The following NALCN variants were observed in gnomAD, a reference collection of about 807,000 sequenced individuals.
NALCN encodes sodium leak channel NALCN.
NALCN carries 111 observed loss-of-function variants against 225.3 expected under a neutral mutation model. That is an observed-to-expected ratio of 0.49 (90% CI 0.42 to 0.58). The LOEUF (loss-of-function observed/expected upper bound fraction) is 0.58. NALCN is among the 20% of genes least tolerant of loss of function. The probability of loss-of-function intolerance (pLI) is 0.00; values close to 1 mark genes in which losing one functional copy is unlikely to be tolerated. For missense variants in NALCN, 1,378 were observed against 2,202.4 expected, an observed-to-expected ratio of 0.63 and a Z score of 7.49; for synonymous variants, 764 against 769.0, an observed-to-expected ratio of 0.99 and a Z score of 0.11.
intron 30 of NALCN, 150 bp from the exon 31 acceptor site, chr13:101,083,954 GAA>G: frequency 1.5e-6 from 1 of 657,684 alleles, no homozygotes; most frequent in Non-Finnish European, 2.4e-6. Context: ...AACATGGTCA[GAA>G]TGCTCAAAGT....
At chr13:101,075,348 G>A (rs568795979) in intron 35 of NALCN, among the ~76,000 whole-genome samples, 2 of 150,748 alleles carry the variant, frequency 1.3e-5, no homozygotes, top group African/African-American at 2.4e-5. Flanking sequence ...TCAGCTACTC[G>A]GGAGGCTGAG....
intron 3 of NALCN, among the ~76,000 whole-genome samples, chr13:101,393,888 A>G (rs1250498130): frequency 2.0e-5 from 3 of 152,236 alleles, no homozygotes; most frequent in Non-Finnish European, 4.4e-5. Context: ...CATAAAAAAA[A>G]TTTGTGACAA....
At chr13:101,388,298 T>C (rs2047049275) in intron 3 of NALCN, among the ~76,000 whole-genome samples, 1 of 152,198 alleles carries the variant, frequency 6.6e-6, no homozygotes. Flanking sequence ...TACTTCAAGA[T>C]AATGTTAACA....
At chr13:101,056,408 ACAC>A (rs1039691232) in intron 43 of NALCN, among the ~76,000 whole-genome samples, 24 of 151,644 alleles carry the variant, frequency 1.6e-4, no homozygotes, top group African/African-American at 5.8e-4. Context: ...TTACAGGTGC[ACAC>A]CACTACCGGT....
At chr13:101,065,860 C>T (rs1021406850) in intron 39 of NALCN, among the ~76,000 whole-genome samples, 2 of 152,098 alleles carry the variant, frequency 1.3e-5, no homozygotes, top group Admixed American at 6.5e-5. Context: ...CCTACTCTTG[C>T]TCTCACCAGG....
At chr13:101,411,957 T>A (rs960571681) in intron 1 of NALCN, among the ~76,000 whole-genome samples, 1 of 152,200 alleles carries the variant, frequency 6.6e-6, no homozygotes, top group Non-Finnish European at 1.5e-5. Context: ...TTATTTTATG[T>A]TTGCTGATAA....
chr13:101,225,385 C>T (rs912505377), intron 13 of NALCN, among the ~76,000 whole-genome samples: 2 of 152,204 alleles, frequency 1.3e-5, no homozygotes, highest in African/African-American at 4.8e-5. Flanking sequence ...TCAATCTTCA[C>T]CTGTTCCATT....
chr13:101,116,771 T>A (rs655966), intron 18 of NALCN: 197,940 of 364,442 alleles, frequency 0.54, 59,199 homozygotes, highest in East Asian at 0.93. Flanking sequence ...CACAAGTAAT[T>A]CATTTAAAAG....
chr13:101,173,732 C>A (rs1382978577), intron 15 of NALCN, among the ~76,000 whole-genome samples: 2 of 152,108 alleles, frequency 1.3e-5, no homozygotes, highest in Non-Finnish European at 2.9e-5. Context: ...TTTTTTTGAA[C>A]ATTTCCTCCA....
chr13:101,178,953 C>T (rs773922230), intron 14 of NALCN, among the ~76,000 whole-genome samples: 1 of 152,130 alleles, frequency 6.6e-6, no homozygotes, highest in Non-Finnish European at 1.5e-5. Context: ...GGAGAGGTTT[C>T]GTGGGTTGGC....
chr13:101,292,125 A>C lies in NALCN; in HGVS notation c.943-31T>G, dbSNP rs757127337. 14 of 1,613,142 alleles carry C rather than the reference A, an allele frequency of 8.7e-6. 1 individual carries two copies. The highest frequency in any genetic ancestry group is 5.0e-5 in the Admixed American group (3 of 59,880). On this transcript the variant is annotated intron_variant, in intron 8 of 43. Transcript: ENST00000251127. This position sits in a 1 kb window ranked among gnomAD's most constrained non-coding sequence, Gnocchi z 4.3. ...AAAAATCACAAACCACATTTACCAAAGTCTAAGAATGACAAAGCAGAGGGC... is the reference window on the plus strand; with the variant it reads ...AAAAATCACAAACCACATTTACCAACGTCTAAGAATGACAAAGCAGAGGGC...
chr13:101,338,796 G>A lies in NALCN; in HGVS notation c.799+6470C>T, dbSNP rs116111085. Among the ~76,000 whole-genome samples, 93 of 152,280 alleles carry A rather than the reference G, an allele frequency of 6.1e-4. 1 individual carries two copies. The highest frequency in any genetic ancestry group is 2.1e-3 in the African/African-American group (86 of 41,552). On this transcript the variant is annotated intron_variant, in intron 7 of 43. Coordinates refer to ENST00000251127, the MANE Select transcript of NALCN (RefSeq NM_052867.4). ...AAACTAAGCTTTGCAAATTGTTTTTGAATTTTCTTCTTAAACACTATTTTG... is the reference window on the plus strand; with the variant it reads ...AAACTAAGCTTTGCAAATTGTTTTTAAATTTTCTTCTTAAACACTATTTTG...
At chr13:101,265,402 A>T (rs1490333503) in intron 10 of NALCN, among the ~76,000 whole-genome samples, 1 of 152,176 alleles carries the variant, frequency 6.6e-6, no homozygotes, top group Non-Finnish European at 1.5e-5. Context: ...GTAATGAGAC[A>T]ATGAGTCTGG....
chr13:101,346,087 C>CTATATATATATATATATATA (rs71121188), intron 6 of NALCN, among the ~76,000 whole-genome samples: 8 of 70,962 alleles, frequency 1.1e-4, no homozygotes, highest in Admixed American at 2.0e-4. Flanking sequence ...CTCTCTCTCT[C>CTATATATATATATATATATA]TATATATATA....
At chr13:101,401,879 T>C (rs1373187363) in intron 1 of NALCN, among the ~76,000 whole-genome samples, 1 of 152,230 alleles carries the variant, frequency 6.6e-6, no homozygotes, top group East Asian at 1.9e-4. Context: ...TTAAATATTA[T>C]ATAAAGCATT....
chr13:101,191,407 T>C (rs564752259), intron 14 of NALCN, among the ~76,000 whole-genome samples: 1 of 152,330 alleles, frequency 6.6e-6, no homozygotes, highest in East Asian at 1.9e-4. Flanking sequence ...CTTGCAGCAA[T>C]GTGTTTTATT....
At chr13:101,184,631 A>G (rs916570284) in intron 14 of NALCN, among the ~76,000 whole-genome samples, 1 of 152,220 alleles carries the variant, frequency 6.6e-6, no homozygotes, top group African/African-American at 2.4e-5. Flanking sequence ...GTTGTGATGC[A>G]GATCATTTTG....
At chr13:101,376,581 A>G in intron 6 of NALCN, 119 bp downstream of exon 6, 1 of 927,736 alleles carries the variant, frequency 1.1e-6, no homozygotes, top group Non-Finnish European at 1.6e-6. Context: ...GCAGAGACAC[A>G]GAACAAAGAG....
chr13:101,087,700 A>T (rs981244563), intron 30 of NALCN, among the ~76,000 whole-genome samples: 1 of 152,192 alleles, frequency 6.6e-6, no homozygotes, highest in African/African-American at 2.4e-5. Context: ...ACATAAATAC[A>T]GTGCTGGATG....
Sources: allele counts gnomAD v4.1 joint callset (sites outside exome capture counted in the v4.1 genomes callset), GRCh38; gene constraint gnomAD v4.1.1; non-coding constraint Gnocchi (gnomAD v3.1); transcripts MANE v1.5; gene names NCBI Gene and HGNC (gene_info 2026-07-23, HGNC 2026-07-21).